SLC36A1: variants seen among roughly 807,000 people sequenced by gnomAD.
SLC36A1 encodes the protein solute carrier family 36 member 1.
SLC36A1 carries 30 observed loss-of-function variants against 47.5 expected under a neutral mutation model. That is an observed-to-expected ratio of 0.63 (90% CI 0.47 to 0.86). The LOEUF is 0.86. Ranked by LOEUF, SLC36A1 falls within the 40% of genes least tolerant of loss-of-function variation. SLC36A1 has a pLI of 0.00. For missense variants in SLC36A1, 517 were observed against 606.0 expected (o/e 0.85, Z 1.54); for synonymous variants, 255 against 249.7 (o/e 1.02, Z -0.20).
the SLC36A1 span, among the ~76,000 whole-genome samples, chr5:151,358,047 G>C: frequency 6.6e-6 from 1 of 152,208 alleles, no homozygotes; most frequent in African/African-American, 2.4e-5. Flanking sequence ...GATTGGTTAA[G>C]GCTCAGCATT....
chr5:151,472,139 C>G (rs1177096719), intron 7 of SLC36A1, among the ~76,000 whole-genome samples: 1 of 152,164 alleles, frequency 6.6e-6, no homozygotes, highest in Admixed American at 6.5e-5. Context: ...GGAATATTAA[C>G]TCACGCAATC....
At chr5:151,440,408 A>G (rs1375205669) in intron 1 of SLC36A1, among the ~76,000 whole-genome samples, 1 of 152,122 alleles carries the variant, frequency 6.6e-6, no homozygotes, top group Admixed American at 6.5e-5. Flanking sequence ...TGGTCTTAAC[A>G]GAGAGAGGCT....
chr5:151,371,700 A>AT, the SLC36A1 span, among the ~76,000 whole-genome samples: 20 of 152,150 alleles, frequency 1.3e-4, no homozygotes, highest in Non-Finnish European at 2.2e-4. Context: ...AGTGAATAGG[A>AT]TTTTTTTTAA....
intron 10 of SLC36A1, among the ~76,000 whole-genome samples, chr5:151,483,523 G>GGT (rs1445776536): frequency 1.4e-5 from 2 of 144,528 alleles, no homozygotes; most frequent in African/African-American, 5.7e-5. Context: ...TGTGTGGGGG[G>GGT]GGTGATTAGG....
the SLC36A1 span, among the ~76,000 whole-genome samples, chr5:151,374,963 C>T: frequency 6.6e-6 from 1 of 151,400 alleles, no homozygotes; most frequent in Non-Finnish European, 1.5e-5. Context: ...ATATCAGTCC[C>T]CTGTTGGATG....
rs1020970124 is a variant in SLC36A1 at position 151,454,752 on chromosome 5, G to A, written c.-5-4036G>A. On this transcript the variant is annotated intron_variant, in intron 1 of 10. Coordinates refer to ENST00000243389, the MANE Select transcript of SLC36A1 (RefSeq NM_078483.4). ...TTTTGAGACGGAGTCTCGCTCTGTC[G>A]CCCAGGCTGGAGTGCAGTGGCGCGA... 1.6e-4 allele frequency among the ~76,000 whole-genome samples: 20 copies of A among 128,376 alleles called. No homozygotes were observed. In the East Asian group the frequency reaches 3.0e-3, roughly 19 times the overall value. 84.2% of individuals were successfully genotyped at this position (128,376 alleles called of 152,430 possible).
At chr5:151,446,742 G>A (rs1752947342), upstream of SLC36A1, among the ~76,000 whole-genome samples, 2 of 152,136 alleles carry the variant, frequency 1.3e-5, no homozygotes, top group South Asian at 4.1e-4. Flanking sequence ...TGTGTATTCT[G>A]TTTCTGTTGA....
the SLC36A1 span, chr5:151,505,714 G>A: frequency 8.1e-6 from 13 of 1,613,784 alleles, no homozygotes; most frequent in East Asian, 4.5e-5. Context: ...CGGCTGAGGC[G>A]CATACCCACC....
chr5:151,483,867 A>G (rs1759169743), intron 10 of SLC36A1, among the ~76,000 whole-genome samples: 3 of 152,192 alleles, frequency 2.0e-5, no homozygotes, highest in Admixed American at 2.0e-4. Flanking sequence ...CAGCGGTGGT[A>G]TGTGGTTCAG....
Position 151,492,264 on chromosome 5 carries a change from G to A in SLC36A1, c.*4010G>A, listed in dbSNP as rs1242441131. On this transcript the variant is annotated 3_prime_UTR_variant, in exon 11 of 11. Coordinates refer to ENST00000243389, the MANE Select transcript of SLC36A1 (RefSeq NM_078483.4). ...CTGTGTGGATGTGCACTTCCAGCATGGTATGTGTAGCGATGTGGATCATGC... is the reference window on the plus strand; with the variant it reads ...CTGTGTGGATGTGCACTTCCAGCATAGTATGTGTAGCGATGTGGATCATGC... The A allele has an allele frequency of 6.6e-6, 1 of 152,204 alleles. No individual in the cohort carries two copies. The highest frequency in any genetic ancestry group is 1.5e-5 in the Non-Finnish European group (1 of 68,038). The allele number at this position is 152,204 out of a possible 1,614,324, so 9.4% of individuals were successfully genotyped here.
chr5:151,545,485 AT>A, the SLC36A1 span: 1 of 1,614,166 alleles, frequency 6.2e-7, no homozygotes, highest in Non-Finnish European at 8.5e-7. Flanking sequence ...AGGCCCGACT[AT>A]TGCTACCTCA....
intron 5 of SLC36A1, among the ~76,000 whole-genome samples, chr5:151,466,315 A>G (rs946205839): frequency 1.2e-4 from 18 of 152,252 alleles, no homozygotes; most frequent in Non-Finnish European, 2.2e-4. Flanking sequence ...TCACAGTTGC[A>G]TGGGTAGCCT....
chr5:151,529,763 G>A, the SLC36A1 span, among the ~76,000 whole-genome samples: 1 of 152,098 alleles, frequency 6.6e-6, no homozygotes, highest in Admixed American at 6.6e-5. Context: ...GCTCTAATAG[G>A]CAAGTGACTT....
At chr5:151,550,749 T>G in the SLC36A1 span, 1 of 1,614,154 alleles carries the variant, frequency 6.2e-7, no homozygotes, top group Non-Finnish European at 8.5e-7. Flanking sequence ...TGTCTTGATC[T>G]ATGGCCTGGA....
At chr5:151,548,388 C>CTT in the SLC36A1 span, among the ~76,000 whole-genome samples, 1 of 151,916 alleles carries the variant, frequency 6.6e-6, no homozygotes, top group Non-Finnish European at 1.5e-5. Context: ...GATATTATCG[C>CTT]TTTTGTTATA....
In SLC36A1 at chr5:151,458,850, A is replaced by G. The variant is rs1476038565; in HGVS notation, c.58A>G (p.Ser20Gly). The G allele has an allele frequency of 6.2e-7, 1 of 1,614,126 alleles. No homozygotes were observed. The highest frequency in any genetic ancestry group is 8.5e-7 in the Non-Finnish European group (1 of 1,180,008). The change falls in exon 2 of 11, where the codon AGC becomes GGC. Residue 20 changes from serine to glycine, a missense_variant. Coordinates refer to ENST00000243389, the MANE Select transcript of SLC36A1 (RefSeq NM_078483.4). ...CCACGACTACAGCTCCACGGACGTG[A>G]GCCCTGAGGAGAGCCCGTCGGAAGG... ...DYHDYSSTDV[S>G]PEESPSEGLN... is the part of the protein sequence containing the mutation.
chr5:151,403,630 A>T, the SLC36A1 span, among the ~76,000 whole-genome samples: 1 of 152,166 alleles, frequency 6.6e-6, no homozygotes, highest in Non-Finnish European at 1.5e-5. Flanking sequence ...AAAATTACCC[A>T]GTCTTAGATA....
upstream of SLC36A1, among the ~76,000 whole-genome samples, chr5:151,433,239 TATATATATATATATATATA>T (rs1759493947): frequency 9.8e-5 from 1 of 10,220 alleles, no homozygotes; most frequent in Non-Finnish European, 2.3e-4. Flanking sequence ...TATATATATA[TATATATATATATATATATA>T]TATATATATT....
chr5:151,551,976 GGTGTGT>G, the SLC36A1 span, among the ~76,000 whole-genome samples: 20 of 143,646 alleles, frequency 1.4e-4, no homozygotes, highest in East Asian at 1.6e-3. Flanking sequence ...TAACCCTAAG[GGTGTGT>G]GTGTGTGTGT....
Sources: allele counts gnomAD v4.1 joint callset (sites outside exome capture counted in the v4.1 genomes callset), GRCh38; gene constraint gnomAD v4.1.1; transcripts MANE v1.5; gene names NCBI Gene and HGNC (gene_info 2026-07-23, HGNC 2026-07-21).